The following DYDC1 variants were observed in gnomAD, a reference collection of about 807,000 sequenced individuals.
DYDC1 encodes the protein DPY30 domain-containing protein 1.
In DYDC1, 21 loss-of-function variants were observed where a neutral mutation model predicts 27.9. The observed-to-expected ratio is 0.75, with a 90% CI of 0.53 to 1.08. The LOEUF is 1.08. Among genes scored for constraint, DYDC1 ranks in the 50% least tolerant of loss-of-function variants. The probability of loss-of-function intolerance (pLI) is 0.00; values close to 1 mark genes in which losing one functional copy is unlikely to be tolerated. For synonymous variants in DYDC1, 67 were observed against 65.8 expected, an observed-to-expected ratio of 1.02 and a Z score of -0.09; for missense variants, 202 against 205.9, an observed-to-expected ratio of 0.98 and a Z score of 0.12.
Position 80,342,350 on chromosome 10 carries a change from T to C in DYDC1, c.261A>G (p.Ala87=), listed in dbSNP as rs761435093. 6 of 1,613,556 alleles carry C rather than the reference T, an allele frequency of 3.7e-6. No individual in the cohort carries two copies. The highest frequency in any genetic ancestry group is 5.1e-6 in the Non-Finnish European group (6 of 1,179,980). Reference sequence around the variant, plus strand: ...CTTGCATTTCCAACTCTAGCTGCAATGCCAGCTGTTGCTGAATATTCAGAA... The same window carrying C: ...CTTGCATTTCCAACTCTAGCTGCAACGCCAGCTGTTGCTGAATATTCAGAA... ...EELLLQQQQL[A]LQLELEMQEK... Residue 87 remains alanine (A), a synonymous_variant, in exon 4 of 7, where the codon GCA becomes GCG. Transcript: ENST00000372202.
rs1277123624 is a variant in DYDC1, at chr10:80,352,993, G to GT, written c.-9-384dup. ...ATGAGCAAGCCCAGGCACAGACAGC[G>GT]TAAGTGCACAGTTCAGGATCACACA... is the stretch of plus-strand genomic sequence containing the variant. On this transcript the variant is annotated intron_variant, in intron 1 of 6. Transcript: ENST00000372202. Among the ~76,000 whole-genome samples, 7 of 152,174 alleles carry GT rather than the reference G, an allele frequency of 4.6e-5. No individual in the cohort carries two copies. The East Asian group carries it at 1.2e-3, about 25-fold the overall frequency.
At chr10:80,337,203 C>A in intron 6 of DYDC1, 1 of 985,480 alleles carries the variant, frequency 1.0e-6, no homozygotes, top group Non-Finnish European at 1.2e-6. Context: ...ACTTGTCCAG[C>A]CCAGGTCAGG....
chr10:80,345,906 GGAGTGCA>G (rs1842591945), intron 3 of DYDC1, among the ~76,000 whole-genome samples: 1 of 152,074 alleles, frequency 6.6e-6, no homozygotes, highest in African/African-American at 2.4e-5. Context: ...CACCCAGGTG[GGAGTGCA>G]GTGGCACTGC....
chr10:80,340,014 C>G (rs1013053171), intron 4 of DYDC1, among the ~76,000 whole-genome samples: 2 of 152,178 alleles, frequency 1.3e-5, no homozygotes, highest in African/African-American at 4.8e-5. Context: ...TTAACTGAAA[C>G]TAAAACAAGG....
intron 4 of DYDC1, among the ~76,000 whole-genome samples, chr10:80,341,831 C>A (rs1024399618): frequency 1.1e-4 from 17 of 152,094 alleles, no homozygotes; most frequent in Non-Finnish European, 2.4e-4. Context: ...TCGAGACCAA[C>A]CTGACCAACA....
chr10:80,337,697 A>G (rs1441182869), intron 6 of DYDC1, among the ~76,000 whole-genome samples: 2 of 151,970 alleles, frequency 1.3e-5, no homozygotes, highest in East Asian at 3.9e-4. Flanking sequence ...CACACCTTCC[A>G]TGCTCTCTGC....
At chr10:80,345,259 G>A (rs1472201301) in intron 3 of DYDC1, among the ~76,000 whole-genome samples, 1 of 152,182 alleles carries the variant, frequency 6.6e-6, no homozygotes, top group African/African-American at 2.4e-5. Context: ...CCACACAGCA[G>A]TTCCATGGCT....
chr10:80,345,076 G>A (rs71481601), intron 3 of DYDC1, among the ~76,000 whole-genome samples: 10 of 152,046 alleles, frequency 6.6e-5, no homozygotes, highest in South Asian at 2.1e-4. Flanking sequence ...GTTTAAAGCC[G>A]GGAAGTGTTC....
rs999980154 is a variant in DYDC1 at position 80,352,593 on chromosome 10, T to A, written c.9A>T (p.Ser3=). 2 of 1,601,338 alleles carry A rather than the reference T, an allele frequency of 1.2e-6. No homozygotes were observed. The highest frequency in any genetic ancestry group is 1.7e-6 in the Non-Finnish European group (2 of 1,176,976). ...CCCCAAGGTGCTTTTGAAGATATAT[T>A]GACTCCATTTCTAACTCCTAAAAAG... The part of the protein sequence containing the change: ME[S]IYLQKHLGAC... Residue 3 remains serine (S), a synonymous_variant, in exon 2 of 7, where the codon TCA becomes TCT. Coordinates refer to ENST00000372202, the MANE Select transcript of DYDC1 (RefSeq NM_001269053.2).
intron 4 of DYDC1, among the ~76,000 whole-genome samples, chr10:80,340,549 T>A (rs975055060): frequency 2.6e-5 from 4 of 152,242 alleles, no homozygotes; most frequent in African/African-American, 9.6e-5. Flanking sequence ...CAATCCTTCC[T>A]ATGGACTTTG....
chr10:80,338,468 T>C lies in DYDC1; in HGVS notation c.503A>G (p.Asp168Gly). The C allele has an allele frequency of 6.2e-7, 1 of 1,612,562 alleles. No homozygotes were observed. The highest frequency in any genetic ancestry group is 8.5e-7 in the Non-Finnish European group (1 of 1,179,440). The change falls in exon 6 of 7, where the codon GAT (aspartate) becomes GGT (glycine). Residue 168 changes from aspartate to glycine, a missense_variant and splice_region_variant. Coordinates refer to ENST00000372202, the MANE Select transcript of DYDC1 (RefSeq NM_001269053.2). ...VEELDEPMFS[D>G]IALNIDQDL ...TTCACAAAACACACTGATACTGACA[T>C]CAGAAAACATTGGTTCATCAAGTTC...
chr10:80,343,902 G>A (rs1264476202), intron 3 of DYDC1, among the ~76,000 whole-genome samples: 1 of 151,462 alleles, frequency 6.6e-6, no homozygotes, highest in Non-Finnish European at 1.5e-5. Context: ...GAAGGCCTGA[G>A]GACAGGAGTT....
chr10:80,355,139 G>T (rs761876336), intron 1 of DYDC1, among the ~76,000 whole-genome samples: 17 of 151,528 alleles, frequency 1.1e-4, no homozygotes, highest in African/African-American at 1.7e-4. Flanking sequence ...GAAGAGAAGA[G>T]TCTTCTAGGT....
chr10:80,354,597 G>T (rs1466292744), intron 1 of DYDC1: 1 of 150,692 alleles, frequency 6.6e-6, no homozygotes, highest in Admixed American at 6.6e-5. Context: ...AAATCCATAT[G>T]TTGAAATCCT....
chr10:80,351,950 T>G lies in DYDC1; in HGVS notation c.200A>C (p.Glu67Ala). ...TTTGAGCCTCTCCATCATTTCCTGC[T>G]CCATCAGAGCTAATTCTCTTTCACG... The part of the protein sequence containing the change: ...LERERELALM[E>A]QEMMERLKAE... The change falls in exon 3 of 7, where the codon GAG (glutamate) becomes GCG (alanine). Residue 67 changes from glutamate to alanine, a missense_variant. Glu to Ala is a moderately radical substitution (Grantham distance 107). Coordinates refer to ENST00000372202, the MANE Select transcript of DYDC1 (RefSeq NM_001269053.2). The G allele has an allele frequency of 6.2e-7, 1 of 1,614,152 alleles. No homozygotes were observed. Among genetic ancestry groups the G allele is most frequent in the East Asian group, 2.2e-5 (1 of 44,882 alleles).
chr10:80,352,835 A>C (rs567645032), intron 1 of DYDC1: 1 of 400,318 alleles, frequency 2.5e-6, no homozygotes, highest in African/African-American at 2.1e-5. Context: ...ATCCTGAAGG[A>C]CTCTCAAGTC....
intron 1 of DYDC1, chr10:80,356,122 T>C (rs958763575): frequency 1.9e-5 from 9 of 482,394 alleles, no homozygotes; most frequent in Non-Finnish European, 2.2e-5. Flanking sequence ...CAGGGGAGGC[T>C]CTGTCTCGGA....
At chr10:80,355,929 A>T (rs985401325) in intron 1 of DYDC1, among the ~76,000 whole-genome samples, 1 of 151,626 alleles carries the variant, frequency 6.6e-6, no homozygotes, top group Admixed American at 6.6e-5. Context: ...CTTCAGTAGG[A>T]TATACCTGAA....
chr10:80,338,362 C>T lies in DYDC1; in HGVS notation c.504+105G>A, dbSNP rs1842204165. 2.8e-6 allele frequency: 4 copies of T among 1,450,250 alleles called. No individual in the cohort carries two copies. In the East Asian group the frequency reaches 1.0e-4, roughly 38 times the overall value. The allele number at this position is 1,450,250 out of a possible 1,614,324, so 89.8% of individuals were successfully genotyped here. A position where few individuals can be genotyped will look rare whatever the true frequency, so the allele number is the denominator to read the frequency against. ...TCTCTGAAGCAAAAGGCCTATTTGCCAACCAATCCTGGCCTAGCCTCATTT... is the reference window on the plus strand; with the variant it reads ...TCTCTGAAGCAAAAGGCCTATTTGCTAACCAATCCTGGCCTAGCCTCATTT... On this transcript the variant is annotated intron_variant, in intron 6 of 6. Transcript: ENST00000372202.
Sources: allele counts gnomAD v4.1 joint callset (sites outside exome capture counted in the v4.1 genomes callset), GRCh38; gene constraint gnomAD v4.1.1; transcripts MANE v1.5; gene names NCBI Gene and HGNC (gene_info 2026-07-23, HGNC 2026-07-21).